METTL16: variants seen among roughly 807,000 people sequenced by gnomAD.
The protein encoded by METTL16 is RNA N(6)-adenosine-methyltransferase METTL16.
Under a neutral mutation model 57.9 loss-of-function variants are expected in METTL16, and 19 were observed. The ratio of observed to expected loss-of-function variants is 0.33; its 90% confidence interval spans 0.23 to 0.48. The LOEUF is 0.48. METTL16 is among the 20% of genes least tolerant of loss of function. The pLI is 0.99. For synonymous variants in METTL16, 246 were observed against 255.6 expected (o/e 0.96, Z 0.36); for missense variants, 434 against 691.5 (o/e 0.63, Z 4.18).
At chr17:2,475,499 A>T (rs532701137) in intron 3 of METTL16, among the ~76,000 whole-genome samples, 1 of 152,178 alleles carries the variant, frequency 6.6e-6, no homozygotes, top group African/African-American at 2.4e-5. Flanking sequence ...TTCAAACTTC[A>T]ATTTCATTTA....
intron 5 of METTL16, among the ~76,000 whole-genome samples, chr17:2,465,822 C>T (rs1360296085): frequency 2.0e-5 from 3 of 151,734 alleles, no homozygotes; most frequent in Non-Finnish European, 4.4e-5. Context: ...GCAGAGATCT[C>T]ACCACTGCAC....
chr17:2,429,921 C>T (rs1231842603), intron 8 of METTL16, among the ~76,000 whole-genome samples: 1 of 151,420 alleles, frequency 6.6e-6, no homozygotes, highest in Non-Finnish European at 1.5e-5. Context: ...AGCGATTCTC[C>T]TGTCTCAGCC....
chr17:2,486,407 G>A (rs1329788017), intron 2 of METTL16, among the ~76,000 whole-genome samples: 1 of 151,896 alleles, frequency 6.6e-6, no homozygotes, highest in Non-Finnish European at 1.5e-5. Context: ...GAGTAGCTGG[G>A]ACTACAGGCA....
chr17:2,434,103 T>C (rs1003330145), intron 8 of METTL16, among the ~76,000 whole-genome samples: 3 of 152,102 alleles, frequency 2.0e-5, no homozygotes, highest in African/African-American at 7.2e-5. Context: ...AAGAAGAGGG[T>C]CCTAAGCTTT....
intron 8 of METTL16, among the ~76,000 whole-genome samples, chr17:2,425,320 C>T (rs2066810285): frequency 6.6e-6 from 1 of 152,148 alleles, no homozygotes; most frequent in South Asian, 2.1e-4. Flanking sequence ...GTTTAGCAGG[C>T]AAGGCGTACA....
intron 2 of METTL16, among the ~76,000 whole-genome samples, chr17:2,482,378 C>A (rs1397398266): frequency 6.6e-6 from 1 of 152,186 alleles, no homozygotes; most frequent in Admixed American, 6.5e-5. Flanking sequence ...TATAGCAAAA[C>A]AACTGGCACT....
chr17:2,460,957 T>C (rs2151561762), intron 6 of METTL16, among the ~76,000 whole-genome samples: 1 of 152,170 alleles, frequency 6.6e-6, no homozygotes, highest in South Asian at 2.1e-4. Flanking sequence ...TGAATTTCAG[T>C]GCTGTTACCT....
intron 6 of METTL16, among the ~76,000 whole-genome samples, chr17:2,447,453 G>A (rs1167187836): frequency 7.1e-6 from 1 of 141,776 alleles, no homozygotes; most frequent in East Asian, 2.0e-4. Context: ...GGAGGTGGGG[G>A]GGGTCAGCCC....
chr17:2,426,980 CG>C (rs745490347), intron 8 of METTL16, among the ~76,000 whole-genome samples: 16 of 65,972 alleles, frequency 2.4e-4, no homozygotes, highest in Middle Eastern at 0.013. Flanking sequence ...ACTAAAAATA[CG>C]AAAAAAAAAA....
In METTL16 at chr17:2,446,771, C is replaced by T. The variant is rs539193223; in HGVS notation, c.729-5212G>A. 3.1e-3 allele frequency among the ~76,000 whole-genome samples: 464 copies of T among 152,088 alleles called. 2 individuals are homozygous for T. The highest frequency in any genetic ancestry group is 5.2e-3 in the Non-Finnish European group (351 of 67,948). ...GTTCTCGTTTTTTTTTTGGTGGAGA[C>T]GGGGTTTTGCTGTGTTGGCCGGGCT... On this transcript the variant is annotated intron_variant, in intron 6 of 9. Coordinates refer to ENST00000263092, the MANE Select transcript of METTL16 (RefSeq NM_024086.4).
At chr17:2,467,994 T>A in intron 4 of METTL16, 118 bp from the exon 5 acceptor site, 1 of 683,934 alleles carries the variant, frequency 1.5e-6, no homozygotes, top group Non-Finnish European at 2.6e-6. Flanking sequence ...TCCCGTAAGA[T>A]TATAACACCA....
intron 2 of METTL16, among the ~76,000 whole-genome samples, chr17:2,488,967 C>G (rs548415659): frequency 1.1e-4 from 16 of 152,042 alleles, no homozygotes; most frequent in Non-Finnish European, 8.8e-5. Context: ...GTCAAATAAG[C>G]AATTAGATAG....
At position 2,433,062 on chromosome 17, in the gene METTL16, G is replaced by A. The variant is rs1277316443; in HGVS notation, c.888+5047C>T. On this transcript the variant is annotated intron_variant, in intron 8 of 9. Coordinates refer to ENST00000263092, the MANE Select transcript of METTL16 (RefSeq NM_024086.4). ...CCAGTGTAAAGTATGCCACAAGGAA[G>A]TTTATGCAGAGTATAGATAACTGAA... is the stretch of plus-strand genomic sequence containing the variant. Among the ~76,000 whole-genome samples, 4 of 152,168 alleles carry A rather than the reference G, an allele frequency of 2.6e-5. No homozygotes were observed. The East Asian group carries it at 7.7e-4, about 29-fold the overall frequency.
At chr17:2,446,960 G>GC (rs1210629358) in intron 6 of METTL16, among the ~76,000 whole-genome samples, 9 of 151,214 alleles carry the variant, frequency 6.0e-5, no homozygotes, top group Admixed American at 6.6e-5. Context: ...GCCTGCCTTG[G>GC]CCCCCCAAAG....
At chr17:2,445,843 C>T (rs7225587) in intron 6 of METTL16, among the ~76,000 whole-genome samples, 41,177 of 151,152 alleles carry the variant, frequency 0.27, 9,379 homozygotes, top group African/African-American at 0.63. Flanking sequence ...ATAAAAAAGG[C>T]TTTAAAATCC....
chr17:2,436,757 A>G (rs2066911323), intron 8 of METTL16: 1 of 146,486 alleles, frequency 6.8e-6, no homozygotes, highest in African/African-American at 2.7e-5. Context: ...AACTGTGAGA[A>G]GCAACAGATG....
At chr17:2,499,408 C>T (rs924087629) in intron 2 of METTL16, among the ~76,000 whole-genome samples, 1 of 149,238 alleles carries the variant, frequency 6.7e-6, no homozygotes, top group African/African-American at 2.5e-5. Flanking sequence ...GACTCAAGAT[C>T]CTCTCACCTC....
rs184328244 is a variant in METTL16 at position 2,450,708 on chromosome 17, G to A, written c.729-9149C>T. On this transcript the variant is annotated intron_variant, in intron 6 of 9. Transcript: ENST00000263092. ...TAGCCAAACTAACAATACATATTCT[G>A]TCTCCTGCTTTTCTCACTAAGCATT... Among the ~76,000 whole-genome samples, 11 of 152,150 alleles carry A rather than the reference G, an allele frequency of 7.2e-5. No individual in the cohort carries two copies. In the East Asian group the frequency reaches 1.7e-3, roughly 24 times the overall value.
chr17:2,491,835 AC>A (rs2067394898), intron 2 of METTL16, among the ~76,000 whole-genome samples: 1 of 141,954 alleles, frequency 7.0e-6, no homozygotes, highest in South Asian at 2.2e-4. Context: ...AGATCGCGCC[AC>A]TGCACTCCAG....
Sources: gnomAD v4.1 joint callset for allele counts (sites outside exome capture counted in the v4.1 genomes callset) on GRCh38, gnomAD v4.1.1 for gene constraint, MANE v1.5 for transcripts, NCBI Gene and HGNC (gene_info 2026-07-23, HGNC 2026-07-21) for gene names.